The following ANKRD36C variants were observed in gnomAD, a reference collection of about 807,000 sequenced individuals.
ANKRD36C encodes the protein ankyrin repeat domain 36C.
Under a neutral mutation model 276.4 loss-of-function variants are expected in ANKRD36C, and 61 were observed. The observed-to-expected ratio is 0.22, with a 90% CI of 0.18 to 0.27. The LOEUF (loss-of-function observed/expected upper bound fraction) is 0.27, where lower values mean the gene tolerates loss of function less well. ANKRD36C is among the 10% of genes least tolerant of loss of function. The probability of loss-of-function intolerance (pLI) is 1.00; values close to 1 mark genes in which losing one functional copy is unlikely to be tolerated. For synonymous variants in ANKRD36C, 483 were observed against 680.1 expected, an observed-to-expected ratio of 0.71 and a Z score of 4.51; for missense variants, 1,447 against 2,032.3, an observed-to-expected ratio of 0.71 and a Z score of 5.54.
chr2:95,894,681 T>A (rs1676484694), intron 44 of ANKRD36C, among the ~76,000 whole-genome samples: 1 of 151,404 alleles, frequency 6.6e-6, no homozygotes, highest in Non-Finnish European at 1.5e-5. Context: ...CATATTCACG[T>A]TTATCTCATT....
At chr2:95,955,244 A>G (rs577823097) in intron 13 of ANKRD36C, among the ~76,000 whole-genome samples, 2 of 152,310 alleles carry the variant, frequency 1.3e-5, no homozygotes, top group East Asian at 3.9e-4. Flanking sequence ...CTGGGATGGA[A>G]GAAGATGATA....
chr2:95,851,329 C>T (rs1286283541), intron 66 of ANKRD36C, 134 bp from the exon 87 acceptor site: 1 of 755,796 alleles, frequency 1.3e-6, no homozygotes, highest in South Asian at 1.8e-5. Context: ...ATCCAAAATG[C>T]TCTACAATCT....
chr2:95,986,058 T>C, intron 3 of ANKRD36C, among the ~76,000 whole-genome samples: 1 of 152,058 alleles, frequency 6.6e-6, no homozygotes, highest in Non-Finnish European at 1.5e-5. Context: ...CCAAAATTGA[T>C]CCCTGGGCAA....
chr2:95,884,284 T>C (rs1194116046), intron 53 of ANKRD36C, 39 bp from the exon 74 acceptor site: 5 of 1,609,996 alleles, frequency 3.1e-6, no homozygotes, highest in Admixed American at 3.3e-5. Context: ...ATCAATAAAG[T>C]ATGTTTCATA....
chr2:95,855,578 G>A, exon 63 of ANKRD36C: 1 of 1,610,618 alleles, frequency 6.2e-7, no homozygotes, highest in South Asian at 1.1e-5. Flanking sequence ...TTTTTTCAAT[G>A]TCCTTCATTT....
chr2:95,927,073 G>A, intron 28 of ANKRD36C, 141 bp downstream of exon 28: 1 of 1,231,518 alleles, frequency 8.1e-7, no homozygotes, highest in South Asian at 1.3e-5. Context: ...CAGCATCAGT[G>A]TCACCTGAGA....
chr2:95,849,238 T>G (rs1045603018), downstream of ANKRD36C, among the ~76,000 whole-genome samples: 5 of 152,120 alleles, frequency 3.3e-5, no homozygotes, highest in Non-Finnish European at 7.3e-5. Context: ...TTTTGTGTTT[T>G]TAGTAGAGAC....
chr2:95,859,872 G>C, exon 61 of ANKRD36C: 1 of 1,549,396 alleles, frequency 6.5e-7, no homozygotes, highest in Non-Finnish European at 8.7e-7. Context: ...TCAAACTACA[G>C]AGTTCTTTTT....
chr2:95,911,057 C>T (rs1031302469), intron 42 of ANKRD36C, among the ~76,000 whole-genome samples: 2 of 151,498 alleles, frequency 1.3e-5, no homozygotes, highest in Non-Finnish European at 3.0e-5. Context: ...GTTGAACTTA[C>T]ACTTCACATC....
At position 95,884,470 on chromosome 2, in the gene ANKRD36C, T is replaced by C. The variant is rs2463571; in HGVS notation, c.3164-102A>G. ...ATCAAGCTGTATCCTTCTGCCTGTA[T>C]TAGGGTAGGATTTGATGTTTCCTAC... is the stretch of plus-strand genomic sequence containing the variant. On this transcript the variant is annotated intron_variant, in intron 52 of 66. Coordinates refer to ENST00000456556, the Ensembl canonical transcript of ANKRD36C. The C allele has an allele frequency of 4.4e-6, 7 of 1,576,578 alleles. No homozygotes were observed. In the South Asian group the frequency reaches 4.5e-5, roughly 10 times the overall value.
chr2:95,924,443 A>G (rs1174003482), intron 30 of ANKRD36C, among the ~76,000 whole-genome samples: 7 of 151,660 alleles, frequency 4.6e-5, no homozygotes, highest in Admixed American at 4.6e-4. Context: ...ATAAACTTTT[A>G]CGTTTGGATA....
chr2:95,855,254 C>A lies in ANKRD36C; in HGVS notation c.4995+12G>T, dbSNP rs750411610. On this transcript the variant is annotated intron_variant, in intron 63 of 66. Coordinates refer to ENST00000456556, the Ensembl canonical transcript of ANKRD36C. ...GGAAGTTTGAAAAATACTTATTTTT[C>A]TTGATACTTACTTCTCTTTCTGCTT... 7.1e-6 allele frequency: 11 copies of A among 1,540,172 alleles called. No individual in the cohort carries two copies. The Admixed American group carries it at 2.2e-4, about 30-fold the overall frequency.
intron 46 of ANKRD36C, among the ~76,000 whole-genome samples, chr2:95,891,212 C>G (rs189771033): frequency 3.5e-4 from 53 of 151,540 alleles, no homozygotes; most frequent in Non-Finnish European, 5.5e-4. Context: ...CACAATCCGT[C>G]TTCCTTAGGA....
chr2:95,929,739 A>G (rs1405496213), intron 24 of ANKRD36C, among the ~76,000 whole-genome samples: 1 of 151,538 alleles, frequency 6.6e-6, no homozygotes, highest in Non-Finnish European at 1.5e-5. Flanking sequence ...AAGGTACACA[A>G]TTATAATGAC....
intron 11 of ANKRD36C, 32 bp from the exon 12 acceptor site, chr2:95,958,695 C>A (rs1678387876): frequency 6.5e-7 from 1 of 1,543,042 alleles, no homozygotes; most frequent in Admixed American, 2.0e-5. Context: ...ATAATCAATA[C>A]CTAAAGTATA....
At chr2:95,970,186 CT>C (rs1678670569) in intron 6 of ANKRD36C, among the ~76,000 whole-genome samples, 1 of 152,184 alleles carries the variant, frequency 6.6e-6, no homozygotes, top group African/African-American at 2.4e-5. Context: ...CCTGCAAAGA[CT>C]TTTCAGCTGC....
At chr2:95,915,615 T>G (rs1203286987) in intron 38 of ANKRD36C, among the ~76,000 whole-genome samples, 1 of 151,526 alleles carries the variant, frequency 6.6e-6, no homozygotes, top group Non-Finnish European at 1.5e-5. Context: ...CTTTTCTGTC[T>G]GTTTTTAGCC....
At chr2:95,895,656 AC>A (rs1386426214) in intron 44 of ANKRD36C, 66 bp from the exon 61 acceptor site, 1 of 1,567,122 alleles carries the variant, frequency 6.4e-7, no homozygotes, top group Non-Finnish European at 8.7e-7. Flanking sequence ...ATACATTCAC[AC>A]AGTGTTAGCA....
rs183919172 is a variant in ANKRD36C, at chr2:95,893,557, T to G, written c.2756-1697A>C. 1,495 of 1,554,326 alleles carry G rather than the reference T, an allele frequency of 9.6e-4. 8 individuals are homozygous for G. In the African/African-American group the frequency reaches 0.018, roughly 19 times the overall value. On this transcript the variant is annotated intron_variant, in intron 44 of 66. Coordinates refer to ENST00000456556, the Ensembl canonical transcript of ANKRD36C. ...CCTGTTCTAGATTTTTCTCCATCCT[T>G]TTTTTCTCTGGCTATATTCAAAACA...
Sources: gnomAD v4.1 joint callset for allele counts (sites outside exome capture counted in the v4.1 genomes callset) on GRCh38, gnomAD v4.1.1 for gene constraint, MANE v1.5 for transcripts, NCBI Gene and HGNC (gene_info 2026-07-23, HGNC 2026-07-21) for gene names.